HS6ST2: variants seen among roughly 807,000 people sequenced by gnomAD.
The protein encoded by HS6ST2 is heparan sulfate 6-O-sulfotransferase 2, also known as heparan-sulfate 6-O-sulfotransferase 2.
In HS6ST2, 17 loss-of-function variants were observed where a neutral mutation model predicts 33.0. The observed-to-expected ratio is 0.52, with a 90% CI of 0.35 to 0.77. HS6ST2 has a LOEUF of 0.77. HS6ST2 is among the 30% of genes least tolerant of loss of function. HS6ST2 has a pLI of 0.01. For missense variants in HS6ST2, 519 were observed against 551.7 expected (o/e 0.94, Z 0.59); for synonymous variants, 248 against 237.1 (o/e 1.05, Z -0.42).
At chrX:132,673,583 G>A (rs1397143658) in intron 3 of HS6ST2, among the ~76,000 whole-genome samples, 2 of 112,314 alleles carry the variant, frequency 1.8e-5, no homozygotes, top group African/African-American at 6.5e-5. Flanking sequence ...AGTGATAACT[G>A]AGATGAAACC....
At chrX:132,808,258 T>C (rs888098991) in intron 2 of HS6ST2, among the ~76,000 whole-genome samples, 2 of 112,142 alleles carry the variant, frequency 1.8e-5, no homozygotes, top group Admixed American at 9.4e-5. Flanking sequence ...AATGTCACAC[T>C]CCACACTTAA....
chrX:132,772,069 C>G (rs1281516232), intron 2 of HS6ST2, among the ~76,000 whole-genome samples: 3 of 111,597 alleles, frequency 2.7e-5, no homozygotes, highest in African/African-American at 9.8e-5. Flanking sequence ...AGATGAAAGT[C>G]ATATATTGGA....
intron 3 of HS6ST2, among the ~76,000 whole-genome samples, chrX:132,675,121 G>A (rs1466923897): frequency 9.0e-6 from 1 of 111,411 alleles, no homozygotes; most frequent in African/African-American, 3.3e-5. Context: ...ATCTGGACTA[G>A]AGGAGAAGAT....
chrX:132,756,820 GGTGTGTGTGTGTGTGT>G (rs3065679), intron 2 of HS6ST2, among the ~76,000 whole-genome samples: 1 of 97,326 alleles, frequency 1.0e-5, no homozygotes, highest in Non-Finnish European at 2.1e-5. Flanking sequence ...CCCTGTGCAT[GGTGTGTGTGTGTGTGT>G]GTGTGTGTGT....
intron 2 of HS6ST2, among the ~76,000 whole-genome samples, chrX:132,833,223 T>C (rs1478025781): frequency 3.6e-5 from 4 of 111,695 alleles, no homozygotes; most frequent in Non-Finnish European, 7.5e-5. Context: ...CTTTCCAACT[T>C]CCTCTTATTT....
At chrX:132,727,236 T>TGG (rs5903834) in intron 2 of HS6ST2, among the ~76,000 whole-genome samples, 22 of 83,643 alleles carry the variant, frequency 2.6e-4, no homozygotes, top group African/African-American at 8.7e-4. Context: ...CTAGCATTAT[T>TGG]GGGGGGGGGG....
intron 2 of HS6ST2, among the ~76,000 whole-genome samples, chrX:132,860,199 T>C (rs953450325): frequency 2.6e-4 from 29 of 112,256 alleles, no homozygotes; most frequent in Non-Finnish European, 4.9e-4. Flanking sequence ...AATGATGCTG[T>C]CCCTAGTAAT....
At chrX:132,841,145 G>T (rs190531838) in intron 2 of HS6ST2, among the ~76,000 whole-genome samples, 1 of 111,758 alleles carries the variant, frequency 8.9e-6, no homozygotes. Flanking sequence ...GTACTCTTAC[G>T]TAGAACTATG....
At chrX:132,914,222 T>C (rs957593659) in intron 2 of HS6ST2, among the ~76,000 whole-genome samples, 3 of 112,648 alleles carry the variant, frequency 2.7e-5, no homozygotes, top group Non-Finnish European at 3.7e-5. Context: ...ATGTTGCTAA[T>C]AGTTACTTCC....
chrX:132,797,691 A>G (rs372971665), intron 2 of HS6ST2, among the ~76,000 whole-genome samples: 1 of 110,526 alleles, frequency 9.0e-6, no homozygotes, highest in African/African-American at 3.3e-5. Flanking sequence ...GATCTAGTTG[A>G]CCATCTAGAA....
At chrX:132,881,088 C>T (rs1181937350) in intron 2 of HS6ST2, among the ~76,000 whole-genome samples, 1 of 111,160 alleles carries the variant, frequency 9.0e-6, no homozygotes, top group African/African-American at 3.3e-5. Flanking sequence ...AATAAACATA[C>T]ATGTGCATGT....
intron 2 of HS6ST2, among the ~76,000 whole-genome samples, chrX:132,880,709 T>C (rs1185272925): frequency 4.6e-5 from 5 of 107,536 alleles, no homozygotes; most frequent in Non-Finnish European, 9.6e-5. Flanking sequence ...ACATGTGCCA[T>C]GTTGGTGTGC....
chrX:132,709,655 T>C (rs945546746), intron 2 of HS6ST2, among the ~76,000 whole-genome samples: 1 of 110,698 alleles, frequency 9.0e-6, no homozygotes, highest in African/African-American at 3.3e-5. Context: ...GAGCCCAATG[T>C]GCTCGTCTTC....
At chrX:132,681,202 T>C (rs2063967883) in intron 3 of HS6ST2, among the ~76,000 whole-genome samples, 2 of 111,795 alleles carry the variant, frequency 1.8e-5, no homozygotes, top group East Asian at 2.8e-4. Flanking sequence ...GGAAGCAACA[T>C]GTGCCAAACA....
chrX:132,819,663 C>T (rs751126331), intron 2 of HS6ST2, among the ~76,000 whole-genome samples: 74 of 111,998 alleles, frequency 6.6e-4, no homozygotes, highest in Non-Finnish European at 1.9e-4. Context: ...GGAAGAAATC[C>T]TCCCTTCTAC....
chrX:132,874,910 G>A (rs912268613), intron 2 of HS6ST2, among the ~76,000 whole-genome samples: 1 of 111,284 alleles, frequency 9.0e-6, no homozygotes, highest in Admixed American at 9.6e-5. Context: ...TCCTCTGGAA[G>A]GGGGGGGCGG....
Position 132,956,998 on chromosome X carries a change from C to T in HS6ST2, c.757G>A (p.Glu253Lys), listed in dbSNP as rs1472594915. 1 of 1,210,242 alleles carries T rather than the reference C, an allele frequency of 8.3e-7. No homozygotes were observed. The highest frequency in any genetic ancestry group is 1.7e-5 in the African/African-American group (1 of 57,419). ...CCCACGCGGCACTCGCACGGCTGCTCCAGCTGGATGTTACGCACCAAGTGG... is the reference window on the plus strand; with the variant it reads ...CCCACGCGGCACTCGCACGGCTGCTTCAGCTGGATGTTACGCACCAAGTGG... ...GRHLVRNIQLEQPCECRVGQK... is the reference protein window; with the variant it reads ...GRHLVRNIQLKQPCECRVGQK... Residue 253 changes from glutamate (E) to lysine (K), a missense_variant, in exon 2 of 5, where the codon GAG (glutamate) becomes AAG (lysine). By Grantham distance (56) the Glu-to-Lys change is moderately conservative. Coordinates refer to ENST00000370833, the MANE Select transcript of HS6ST2 (RefSeq NM_001394073.1).
rs760258234 is a variant in HS6ST2, at chrX:132,697,067, A to AAAT, written c.980+11392_980+11394dup. ...TGTAATCTATTACATGTCATATACA[A>AAAT]AATACCTTTTAACTTGAAAAGTCAC... On this transcript the variant is annotated intron_variant, in intron 3 of 4. Transcript: ENST00000370833. Among the ~76,000 whole-genome samples, 28 of 112,403 alleles carry AAAT rather than the reference A, an allele frequency of 2.5e-4. No individual in the cohort carries two copies. The South Asian group carries it at 0.01, about 40-fold the overall frequency.
intron 2 of HS6ST2, among the ~76,000 whole-genome samples, chrX:132,951,776 G>A (rs889428914): frequency 5.4e-5 from 6 of 111,997 alleles, no homozygotes; most frequent in Non-Finnish European, 1.1e-4. Context: ...CTGCTTTGCC[G>A]ATTAGACCCA....
Sources: allele counts gnomAD v4.1 joint callset (sites outside exome capture counted in the v4.1 genomes callset), GRCh38; gene constraint gnomAD v4.1.1; transcripts MANE v1.5; gene names NCBI Gene and HGNC (gene_info 2026-07-23, HGNC 2026-07-21).